Variants in MBTD1 observed in about 807,000 individuals in gnomAD.
The protein encoded by MBTD1 is MBT domain-containing protein 1.
Under a neutral mutation model 87.8 loss-of-function variants are expected in MBTD1, and 24 were observed. The observed-to-expected ratio is 0.27, with a 90% confidence interval of 0.20 to 0.38. MBTD1 has a LOEUF of 0.38. Among genes scored for constraint, MBTD1 ranks in the 10% least tolerant of loss-of-function variants. The pLI, the probability that MBTD1 is intolerant of heterozygous loss-of-function variation, is 1.00. For missense variants in MBTD1, 436 were observed against 760.2 expected (o/e 0.57, Z 5.02); for synonymous variants, 237 against 248.6 (o/e 0.95, Z 0.44).
intron 13 of MBTD1, among the ~76,000 whole-genome samples, chr17:51,194,826 G>A (rs1009516715): frequency 1.1e-4 from 16 of 150,710 alleles, no homozygotes; most frequent in Non-Finnish European, 1.5e-4. Context: ...AGGAGTTGAA[G>A]TTACCGTGAG....
rs60957699 is a variant in MBTD1, at chr17:51,179,484, T to TATATATATATATATTTTTATATTTATA, written c.*1091_*1092insTATAAATATAAAAATATATATATATAT. On this transcript the variant is annotated 3_prime_UTR_variant, in exon 17 of 17. Transcript: ENST00000586178. The stretch of plus-strand genomic sequence containing the variant: ...ATCCTGAATACAATTAAAGACAATT[T>TATATATATATATATTTTTATATTTATA]TATATATATATATATATATATATAT... 1 of 35,294 alleles carries TATATATATATATATTTTTATATTTATA rather than the reference T, an allele frequency of 2.8e-5. No individual in the cohort carries two copies. The highest frequency in any genetic ancestry group is 5.9e-5 in the Non-Finnish European group (1 of 17,026). The allele number at this position is 35,294 out of a possible 1,614,324, so 2.2% of individuals were successfully genotyped here.
At position 51,179,481 on chromosome 17, in the gene MBTD1, A is replaced by ATT. The variant is rs200712340; in HGVS notation, c.*1093_*1094dup. On this transcript the variant is annotated 3_prime_UTR_variant, in exon 17 of 17. Coordinates refer to ENST00000586178, the MANE Select transcript of MBTD1 (RefSeq NM_017643.3). Reference sequence around the variant, plus strand: ...TAAATCCTGAATACAATTAAAGACAATTTTATATATATATATATATATATA... The same window carrying ATT: ...TAAATCCTGAATACAATTAAAGACAATTTTTTATATATATATATATATATATA... 7.9e-4 allele frequency: 39 copies of ATT among 49,294 alleles called. 1 individual carries two copies. Among genetic ancestry groups the ATT allele is most frequent in the Non-Finnish European group, 9.0e-4 (22 of 24,520 alleles). 3.1% of individuals were successfully genotyped at this position (49,294 alleles called of 1,614,324 possible).
chr17:51,248,046 C>T (rs2054551927), intron 2 of MBTD1, among the ~76,000 whole-genome samples: 2 of 152,164 alleles, frequency 1.3e-5, no homozygotes, highest in Non-Finnish European at 2.9e-5. Flanking sequence ...AAATAGTTCT[C>T]AATTTCCTCT....
chr17:51,202,160 A>G, intron 10 of MBTD1, 83 bp from the exon 11 acceptor site: 1 of 788,538 alleles, frequency 1.3e-6, no homozygotes, highest in Non-Finnish European at 2.2e-6. Context: ...CAAACTCACA[A>G]AGTATGTCAT....
chr17:51,248,854 T>C (rs1340119745), intron 2 of MBTD1, among the ~76,000 whole-genome samples: 1 of 152,196 alleles, frequency 6.6e-6, no homozygotes, highest in Non-Finnish European at 1.5e-5. Flanking sequence ...GGAAGTGCAA[T>C]GTCCTTTTGC....
chr17:51,213,960 G>A (rs932666575), intron 6 of MBTD1, among the ~76,000 whole-genome samples: 13 of 151,500 alleles, frequency 8.6e-5, no homozygotes, highest in African/African-American at 3.2e-4. Context: ...TTAAATAAAA[G>A]GTCTGAAAAA....
In MBTD1 at chr17:51,178,201, TA is replaced by T. The variant is rs1299785512; in HGVS notation, c.*2374del. The T allele has an allele frequency of 6.6e-6, 1 of 152,178 alleles. No individual in the cohort carries two copies. The highest frequency in any genetic ancestry group is 1.5e-5 in the Non-Finnish European group (1 of 68,032). The allele number at this position is 152,178 out of a possible 1,614,324, so 9.4% of individuals were successfully genotyped here. A position where few individuals can be genotyped will look rare whatever the true frequency, so the allele number is the denominator to read the frequency against. On this transcript the variant is annotated 3_prime_UTR_variant, in exon 17 of 17. Transcript: ENST00000586178. ...TACAACTGGAGTTATGGCTAAGACA[TA>T]AATCTCCTCTGCATTAATTATTTTT...
At chr17:51,201,932 G>A in intron 11 of MBTD1, 90 bp downstream of exon 11, 1 of 890,272 alleles carries the variant, frequency 1.1e-6, no homozygotes, top group South Asian at 1.4e-5. Flanking sequence ...GTGAACATAT[G>A]TAATTGTGAT....
Position 51,187,968 on chromosome 17 carries a change from T to C in MBTD1, c.1768+4235A>G, listed in dbSNP as rs2050624523. On this transcript the variant is annotated intron_variant, in intron 16 of 16. Transcript: ENST00000586178. Reference sequence around the variant, plus strand: ...ACCGAGTAAGAGCAATAAAAAATTATGCTTCACAAAATCAAAACTAAAAGG... The same window carrying C: ...ACCGAGTAAGAGCAATAAAAAATTACGCTTCACAAAATCAAAACTAAAAGG... Among the ~76,000 whole-genome samples, 4 of 152,172 alleles carry C rather than the reference T, an allele frequency of 2.6e-5. No homozygotes were observed. The East Asian group carries it at 7.7e-4, about 29-fold the overall frequency.
chr17:51,204,533 TG>T (rs1281729101), intron 7 of MBTD1, among the ~76,000 whole-genome samples: 2 of 145,844 alleles, frequency 1.4e-5, no homozygotes, highest in African/African-American at 5.0e-5. Context: ...GACAGGGTCT[TG>T]CTCTATCGCC....
intron 2 of MBTD1, among the ~76,000 whole-genome samples, chr17:51,229,568 A>T (rs1465797328): frequency 1.3e-5 from 2 of 152,164 alleles, no homozygotes; most frequent in Non-Finnish European, 2.9e-5. Context: ...CTTAGTCCAC[A>T]CAATGGAAAT....
At chr17:51,205,688 C>A (rs1186893879) in intron 7 of MBTD1, among the ~76,000 whole-genome samples, 1 of 152,104 alleles carries the variant, frequency 6.6e-6, no homozygotes, top group African/African-American at 2.4e-5. Context: ...ATCATTTATG[C>A]TGGAGAACTA....
intron 5 of MBTD1, 23 bp from the exon 6 acceptor site, chr17:51,217,439 GTAT>G: frequency 8.7e-7 from 1 of 1,147,246 alleles, no homozygotes; most frequent in Non-Finnish European, 1.2e-6. Flanking sequence ...AAATTTAGAT[GTAT>G]TATAATTCTC....
chr17:51,188,213 A>G (rs2050635459), intron 16 of MBTD1, among the ~76,000 whole-genome samples: 1 of 152,270 alleles, frequency 6.6e-6, no homozygotes, highest in African/African-American at 2.4e-5. Context: ...AGCAGAAATC[A>G]GTACTGCTTT....
intron 2 of MBTD1, among the ~76,000 whole-genome samples, chr17:51,247,988 G>T (rs1052911216): frequency 1.3e-5 from 2 of 152,088 alleles, no homozygotes; most frequent in Non-Finnish European, 2.9e-5. Flanking sequence ...ATTTCATCTA[G>T]GTTTTGAAAT....
At chr17:51,223,972 G>A (rs1327794733) in intron 3 of MBTD1, among the ~76,000 whole-genome samples, 2 of 152,198 alleles carry the variant, frequency 1.3e-5, no homozygotes, top group Admixed American at 1.3e-4. Context: ...ATGTGGTAAA[G>A]GTCAAAGGAT....
intron 2 of MBTD1, among the ~76,000 whole-genome samples, chr17:51,235,378 TC>T (rs2053775466): frequency 6.6e-6 from 1 of 152,094 alleles, no homozygotes; most frequent in Non-Finnish European, 1.5e-5. Context: ...CCTCAGGTAA[TC>T]CACCCACCTC....
rs754130414 is a variant in MBTD1, at chr17:51,206,949, G to A, written c.543C>T (p.Pro181=). ...TGGTAGGTAGGCTGCAGTCTGTATT[G>A]GGAACTTCTACTCTCACATTTTCTG... ...DISENVRVEV[P]NTDCSLPTKV... is the part of the protein sequence containing the mutation. The change falls in exon 7 of 17, where the codon CCC becomes CCT. Residue 181 remains proline, a synonymous_variant. Coordinates refer to ENST00000586178, the MANE Select transcript of MBTD1 (RefSeq NM_017643.3). The A allele has an allele frequency of 1.2e-6, 2 of 1,613,742 alleles. No individual in the cohort carries two copies. Among genetic ancestry groups the A allele is most frequent in the Non-Finnish European group, 1.7e-6 (2 of 1,179,796 alleles).
rs60857354 is a variant in MBTD1 at position 51,212,357 on chromosome 17, C to CAA, written c.486+4975_486+4976dup. 5.4e-3 allele frequency among the ~76,000 whole-genome samples: 735 copies of CAA among 135,780 alleles called. 4 individuals carry two copies. Among genetic ancestry groups the CAA allele is most frequent in the Non-Finnish European group, 6.8e-3 (430 of 63,032 alleles). The allele number at this position is 135,780 out of a possible 152,430, so 89.1% of individuals were successfully genotyped here. On this transcript the variant is annotated intron_variant, in intron 6 of 16. Transcript: ENST00000586178. ...TGACTGAAAGAGTGAGACTCCGCCT[C>CAA]AAAAAAAAAAAGAAAAGAAAAGAAA...
Sources: gnomAD v4.1 joint callset for allele counts (sites outside exome capture counted in the v4.1 genomes callset) on GRCh38, gnomAD v4.1.1 for gene constraint, MANE v1.5 for transcripts, NCBI Gene and HGNC (gene_info 2026-07-23, HGNC 2026-07-21) for gene names.